DCP2: variants seen among roughly 807,000 people sequenced by gnomAD.
DCP2 encodes the protein m7GpppN-mRNA hydrolase.
Under a neutral mutation model 56.1 loss-of-function variants are expected in DCP2, and 30 were observed. That is an observed-to-expected ratio of 0.53 (90% CI 0.40 to 0.73). The LOEUF (loss-of-function observed/expected upper bound fraction) is 0.73. Ranked by LOEUF, DCP2 falls within the 30% of genes least tolerant of loss-of-function variation. The probability of loss-of-function intolerance (pLI) is 0.00; values close to 1 mark genes in which losing one functional copy is unlikely to be tolerated. For missense variants in DCP2, 533 were observed against 502.7 expected, an observed-to-expected ratio of 1.06 and a Z score of -0.58; for synonymous variants, 197 against 163.3, an observed-to-expected ratio of 1.21 and a Z score of -1.57.
chr5:112,984,725 T>TATATATATATATATATATATATATA (rs1157313721), intron 1 of DCP2: 36 of 135,506 alleles, frequency 2.7e-4, no homozygotes, highest in Admixed American at 3.7e-4. Context: ...TATATATATA[T>TATATATATATATATATATATATATA]TTGAGACAGT....
In DCP2 at chr5:113,010,751, A is replaced by C. The variant is rs772123316; in HGVS notation, c.1048-5A>C. 6.3e-7 allele frequency: 1 copy of C among 1,575,576 alleles called. No homozygotes were observed. The highest frequency in any genetic ancestry group is 2.3e-5 in the East Asian group (1 of 44,024). ...TGTGTGTGTGTTTTTTTTTTTTTTA[A>C]ATAGAAGTGTGAAAAGAAACTTCAT... is the stretch of plus-strand genomic sequence containing the variant. On this transcript the variant is annotated splice_polypyrimidine_tract_variant and splice_region_variant and intron_variant, in intron 9 of 10. Transcript: ENST00000389063.
chr5:113,016,064 C>T lies in DCP2; in HGVS notation c.*2580C>T, dbSNP rs1749872670. ...TTCCAACCTTATATGTTCCAAGGTG[C>T]AGTGCACTGTGAATCTTTTATTTTT... On this transcript the variant is annotated 3_prime_UTR_variant, in exon 11 of 11. Transcript: ENST00000389063. The T allele has an allele frequency of 6.6e-6, 1 of 152,606 alleles. No homozygotes were observed. Among genetic ancestry groups the T allele is most frequent in the Non-Finnish European group, 1.5e-5 (1 of 68,028 alleles). 9.5% of individuals were successfully genotyped at this position (152,606 alleles called of 1,614,324 possible). A position where few individuals can be genotyped will look rare whatever the true frequency, so the allele number is the denominator to read the frequency against.
chr5:113,009,794 A>G (rs968789803), intron 9 of DCP2, among the ~76,000 whole-genome samples: 1 of 152,246 alleles, frequency 6.6e-6, no homozygotes, highest in Admixed American at 6.5e-5. Flanking sequence ...TACATATGAT[A>G]TAATTCCATT....
chr5:113,006,808 C>G (rs542209072), intron 8 of DCP2, among the ~76,000 whole-genome samples: 3 of 152,128 alleles, frequency 2.0e-5, no homozygotes, highest in Non-Finnish European at 4.4e-5. Context: ...TATTGCATGT[C>G]TAAGTTTAGG....
Position 113,019,288 on chromosome 5 carries a change from C to T in DCP2, c.*5804C>T, listed in dbSNP as rs966674587. ...GTGAATGAAATTTAGAAAGATAATT[C>T]TTCAGCAGTTGGTTGATTAGATGGG... On this transcript the variant is annotated 3_prime_UTR_variant, in exon 11 of 11. Transcript: ENST00000389063. The T allele has an allele frequency of 6.6e-6, 1 of 152,174 alleles. No homozygotes were observed. The highest frequency in any genetic ancestry group is 1.5e-5 in the Non-Finnish European group (1 of 68,038). 9.4% of individuals were successfully genotyped at this position (152,174 alleles called of 1,614,324 possible).
At chr5:113,000,868 A>G (rs984053022) in intron 4 of DCP2, among the ~76,000 whole-genome samples, 13 of 152,244 alleles carry the variant, frequency 8.5e-5, no homozygotes, top group Non-Finnish European at 1.6e-4. Flanking sequence ...CTGGTTCTCT[A>G]TATACCATAC....
At chr5:112,977,318 T>G (rs936769587) in intron 1 of DCP2, among the ~76,000 whole-genome samples, 9 of 152,114 alleles carry the variant, frequency 5.9e-5, no homozygotes, top group Non-Finnish European at 1.2e-4. Flanking sequence ...CGCCTCCCTC[T>G]CCCATTGTTT....
At chr5:113,009,521 A>G (rs1749586466) in intron 9 of DCP2, among the ~76,000 whole-genome samples, 1 of 152,202 alleles carries the variant, frequency 6.6e-6, no homozygotes. Flanking sequence ...AAAAATTACT[A>G]ATTGGTACAA....
chr5:113,017,834 CTAT>C lies in DCP2; in HGVS notation c.*4351_*4353del. The C allele has an allele frequency of 6.6e-6, 1 of 152,104 alleles. No individual in the cohort carries two copies. Among genetic ancestry groups the C allele is most frequent in the Non-Finnish European group, 1.5e-5 (1 of 68,018 alleles). The allele number at this position is 152,104 out of a possible 1,614,324, so 9.4% of individuals were successfully genotyped here. ...TTCATATATATATGAATATCTATAT[CTAT>C]ATCTATACATATATATGTATCGCCA... is the stretch of plus-strand genomic sequence containing the variant. On this transcript the variant is annotated 3_prime_UTR_variant, in exon 11 of 11. Transcript: ENST00000389063.
chr5:112,977,943 G>A (rs1486713079), intron 1 of DCP2, among the ~76,000 whole-genome samples: 1 of 141,400 alleles, frequency 7.1e-6, no homozygotes, highest in African/African-American at 3.0e-5. Flanking sequence ...ACTGGTGTTT[G>A]TGGAGTTTTT....
intron 4 of DCP2, among the ~76,000 whole-genome samples, chr5:112,998,748 CAG>C (rs1468032343): frequency 6.6e-6 from 1 of 152,168 alleles, no homozygotes; most frequent in East Asian, 1.9e-4. Context: ...AATGTGTGTG[CAG>C]AGTTTTTTAT....
chr5:113,013,783 T>C lies in DCP2; in HGVS notation c.*299T>C, dbSNP rs971063671. ...TTTTGTATTCTGGTTAAGAAAATAA[T>C]GTATTGAGTTACTGTCAAGTAGCCA... On this transcript the variant is annotated 3_prime_UTR_variant, in exon 11 of 11. Transcript: ENST00000389063. The C allele has an allele frequency of 8.3e-6, 2 of 241,938 alleles. No homozygotes were observed. Among genetic ancestry groups the C allele is most frequent in the Non-Finnish European group, 7.9e-6 (1 of 126,746 alleles). 15.0% of individuals were successfully genotyped at this position (241,938 alleles called of 1,614,324 possible).
chr5:113,010,131 C>G (rs1285079809), intron 9 of DCP2, among the ~76,000 whole-genome samples: 1 of 150,488 alleles, frequency 6.6e-6, no homozygotes, highest in Non-Finnish European at 1.5e-5. Context: ...CTCCTTGGTT[C>G]AAGCAGTCCT....
chr5:112,983,023 G>A (rs1022465856), intron 1 of DCP2, among the ~76,000 whole-genome samples: 19 of 152,272 alleles, frequency 1.2e-4, no homozygotes, highest in Middle Eastern at 3.4e-3. Flanking sequence ...AAAGGATAAA[G>A]GTGGTGGTTA....
chr5:112,987,460 C>A (rs560053255), intron 2 of DCP2, among the ~76,000 whole-genome samples: 1 of 151,826 alleles, frequency 6.6e-6, no homozygotes, highest in Non-Finnish European at 1.5e-5. Flanking sequence ...TCCCCCCGCC[C>A]GCCCGACAAA....
At position 113,001,587 on chromosome 5, in the gene DCP2, C is replaced by G; in HGVS notation, c.719C>G (p.Ser240Cys). The part of the protein sequence containing the change: ...PFIRPLRDWL[S>C]RRFGDSSDSD... ...TGCAGACCATTAAGGGACTGGCTTT[C>G]TCGAAGATTTGGCGATTCCTCAGAC... The change falls in exon 7 of 11, where the codon TCT (serine) becomes TGT (cysteine). Residue 240 changes from serine (S) to cysteine (C), a missense_variant. Physicochemically the swap from Ser to Cys is moderately radical, Grantham distance 112. This residue lies in a region of DCP2 where 392 missense variants were observed against 346.6 expected (regional missense o/e 1.13). Transcript: ENST00000389063. The G allele has an allele frequency of 6.2e-7, 1 of 1,614,134 alleles. No individual in the cohort carries two copies. Among genetic ancestry groups the G allele is most frequent in the African/African-American group, 1.3e-5 (1 of 75,036 alleles).
intron 4 of DCP2, among the ~76,000 whole-genome samples, chr5:112,997,205 G>A (rs560242102): frequency 6.6e-6 from 1 of 152,262 alleles, no homozygotes; most frequent in Admixed American, 6.5e-5. Context: ...AGGTCTGTTG[G>A]GGCCTAGTGT....
Position 113,015,565 on chromosome 5 carries a change from G to T in DCP2, c.*2081G>T, listed in dbSNP as rs1422211913. 3 of 152,448 alleles carry T rather than the reference G, an allele frequency of 2.0e-5. No individual in the cohort carries two copies. Among genetic ancestry groups the T allele is most frequent in the Admixed American group, 2.0e-4 (3 of 15,252 alleles). The allele number at this position is 152,448 out of a possible 1,614,324, so 9.4% of individuals were successfully genotyped here. On this transcript the variant is annotated 3_prime_UTR_variant, in exon 11 of 11. Coordinates refer to ENST00000389063, the MANE Select transcript of DCP2 (RefSeq NM_152624.6). ...TATGGTTAAATGTTACTGCTGTTGC[G>T]CTGCTTTATTTAATGCACTGTGGAA...
At chr5:112,989,454 A>G (rs1748473370) in intron 2 of DCP2, among the ~76,000 whole-genome samples, 2 of 152,140 alleles carry the variant, frequency 1.3e-5, no homozygotes, top group Non-Finnish European at 2.9e-5. Flanking sequence ...TTTGGGAGCT[A>G]AATAGAAGCC....
Sources: gnomAD v4.1 joint callset for allele counts (sites outside exome capture counted in the v4.1 genomes callset) on GRCh38, gnomAD v4.1.1 for gene constraint, gnomAD v4.1.1 regional missense constraint, MANE v1.5 for transcripts, NCBI Gene and HGNC (gene_info 2026-07-23, HGNC 2026-07-21) for gene names.